The following CNOT2 variants were observed in gnomAD, a reference collection of about 807,000 sequenced individuals.
The protein encoded by CNOT2 is CC chemokine receptor 4-negative regulator of transcription 2.
In CNOT2, 7 loss-of-function variants were observed where a neutral mutation model predicts 72.1. The observed-to-expected ratio is 0.10, with a 90% CI of 0.06 to 0.18. The LOEUF (loss-of-function observed/expected upper bound fraction) is 0.18. CNOT2 is among the 10% of genes least tolerant of loss of function. The probability of loss-of-function intolerance (pLI) is 1.00; values close to 1 mark genes in which losing one functional copy is unlikely to be tolerated. For synonymous variants in CNOT2, 196 were observed against 225.6 expected (o/e 0.87, Z 1.17); for missense variants, 345 against 660.3 (o/e 0.52, Z 5.23).
At chr12:70,299,411 C>A (rs1873456140) in intron 2 of CNOT2, among the ~76,000 whole-genome samples, 1 of 114,894 alleles carries the variant, frequency 8.7e-6, no homozygotes, top group African/African-American at 3.4e-5. Flanking sequence ...GTGTGATGTT[C>A]CCCTTCCTGT....
At chr12:70,294,123 G>A in intron 2 of CNOT2, 8 of 1,288,828 alleles carry the variant, frequency 6.2e-6, no homozygotes, top group Non-Finnish European at 7.1e-6. Flanking sequence ...CTTACTGTTT[G>A]CTGGAGTTGA....
chr12:70,318,994 A>C, intron 3 of CNOT2: 1 of 196,696 alleles, frequency 5.1e-6, no homozygotes, highest in Non-Finnish European at 1.0e-5. Context: ...TACCATGTCT[A>C]TATAATTTTA....
At chr12:70,332,740 A>C (rs566224108) in intron 6 of CNOT2, 27 bp from the exon 7 acceptor site, 2 of 1,582,122 alleles carry the variant, frequency 1.3e-6, no homozygotes, top group Admixed American at 3.7e-5. Flanking sequence ...CTTACTGTAT[A>C]TCTAAAACTA....
At chr12:70,330,597 T>A in intron 6 of CNOT2, 128 bp downstream of exon 6, 1 of 521,710 alleles carries the variant, frequency 1.9e-6, no homozygotes, top group South Asian at 4.2e-5. Flanking sequence ...TGCATTTATG[T>A]CCAAAGATTC....
intron 1 of CNOT2, among the ~76,000 whole-genome samples, chr12:70,247,857 A>G (rs1002654231): frequency 6.6e-6 from 1 of 152,178 alleles, no homozygotes; most frequent in Non-Finnish European, 1.5e-5. Flanking sequence ...GATCTGAAGC[A>G]ACAGATTGGA....
chr12:70,246,538 T>TA (rs1236143120), intron 1 of CNOT2, among the ~76,000 whole-genome samples: 2 of 152,110 alleles, frequency 1.3e-5, no homozygotes, highest in Admixed American at 6.5e-5. Context: ...TGGTAGAACT[T>TA]ATTCTGCTTG....
chr12:70,270,559 G>A (rs1398698463), intron 1 of CNOT2, among the ~76,000 whole-genome samples: 2 of 151,922 alleles, frequency 1.3e-5, no homozygotes, highest in Non-Finnish European at 2.9e-5. Flanking sequence ...CTTTTTAGTT[G>A]CCTTCTTCCT....
chr12:70,310,793 C>A, intron 2 of CNOT2, 102 bp from the exon 3 acceptor site: 1 of 916,102 alleles, frequency 1.1e-6, no homozygotes, highest in Non-Finnish European at 1.6e-6. Flanking sequence ...ATTTCTGTAT[C>A]TTAGCAATGC....
intron 4 of CNOT2, among the ~76,000 whole-genome samples, 198 bp downstream of exon 4, chr12:70,319,562 A>C (rs1331883445): frequency 6.6e-6 from 1 of 151,814 alleles, no homozygotes; most frequent in Non-Finnish European, 1.5e-5. Flanking sequence ...GGTTGCTATT[A>C]CTTGGATATA....
At chr12:70,266,003 C>CT (rs200929958) in intron 1 of CNOT2, among the ~76,000 whole-genome samples, 54,492 of 143,386 alleles carry the variant, frequency 0.38, 10,398 homozygotes, top group East Asian at 0.66. Context: ...ATTCTTTTAA[C>CT]TTTTTTTTTT....
chr12:70,256,503 T>A (rs1488386334), intron 1 of CNOT2, among the ~76,000 whole-genome samples: 1 of 150,226 alleles, frequency 6.7e-6, no homozygotes, highest in Non-Finnish European at 1.5e-5. Flanking sequence ...ACCAAGGAAG[T>A]AATAGTGTTA....
intron 2 of CNOT2, among the ~76,000 whole-genome samples, chr12:70,299,401 GT>G (rs1873454531): frequency 7.7e-6 from 1 of 130,616 alleles, no homozygotes; most frequent in South Asian, 2.4e-4. Context: ...AGTCCCCGGT[GT>G]GTGATGTTCC....
chr12:70,260,343 T>A (rs2135733750), intron 1 of CNOT2, among the ~76,000 whole-genome samples: 1 of 152,298 alleles, frequency 6.6e-6, no homozygotes, highest in Admixed American at 6.5e-5. Context: ...TGGTATGTTT[T>A]GTATTACTTT....
At chr12:70,329,364 T>A (rs145255663) in intron 4 of CNOT2, 59 bp from the exon 5 acceptor site, 1 of 1,415,120 alleles carries the variant, frequency 7.1e-7, no homozygotes, top group Non-Finnish European at 1.0e-6. Flanking sequence ...CTCCAGAAGA[T>A]GGATAACAAT....
chr12:70,323,987 A>G (rs1455320736), intron 4 of CNOT2: 5 of 151,836 alleles, frequency 3.3e-5, no homozygotes, highest in Non-Finnish European at 7.4e-5. Context: ...ATTTATGTGA[A>G]TTAACTCATT....
In CNOT2 at chr12:70,248,682, C is replaced by A. The variant is rs150127572; in HGVS notation, c.-96+5202C>A. On this transcript the variant is annotated intron_variant, in intron 1 of 15. Transcript: ENST00000229195. ...ACAGGATAGATGACTCTCAGAATTGCATTTTAGTAGATATGCTAATATTGA... is the reference window on the plus strand; with the variant it reads ...ACAGGATAGATGACTCTCAGAATTGAATTTTAGTAGATATGCTAATATTGA... Among the ~76,000 whole-genome samples the A allele has an allele frequency of 4.6e-3, 704 of 152,078 alleles. 21 individuals are homozygous for A. The highest frequency in any genetic ancestry group is 5.0e-3 in the Admixed American group (77 of 15,276).
At chr12:70,299,146 G>C (rs116039291) in intron 2 of CNOT2, among the ~76,000 whole-genome samples, 2,047 of 152,228 alleles carry the variant, frequency 0.013, 45 homozygotes, top group African/African-American at 0.046. Flanking sequence ...GTCTCACATG[G>C]CGGCAGGCAA....
At chr12:70,279,744 C>T (rs1345328534) in intron 2 of CNOT2, among the ~76,000 whole-genome samples, 2 of 152,282 alleles carry the variant, frequency 1.3e-5, no homozygotes, top group South Asian at 2.1e-4. Context: ...TGTGATTACA[C>T]ACTATAGTTA....
intron 2 of CNOT2, among the ~76,000 whole-genome samples, chr12:70,310,326 A>G (rs1876235336): frequency 6.6e-6 from 1 of 152,084 alleles, no homozygotes; most frequent in African/African-American, 2.4e-5. Flanking sequence ...TATCATTGAA[A>G]TAATAACTTT....
Sources: allele counts gnomAD v4.1 joint callset (sites outside exome capture counted in the v4.1 genomes callset), GRCh38; gene constraint gnomAD v4.1.1; transcripts MANE v1.5; gene names NCBI Gene and HGNC (gene_info 2026-07-23, HGNC 2026-07-21).